The following ATIC variants were observed in gnomAD, a reference collection of about 807,000 sequenced individuals.
ATIC encodes the protein bifunctional purine biosynthesis protein ATIC.
Under a neutral mutation model 72.5 loss-of-function variants are expected in ATIC, and 64 were observed. The ratio of observed to expected loss-of-function variants is 0.88; its 90% CI spans 0.72 to 1.09. ATIC has a LOEUF of 1.09. Among genes scored for constraint, ATIC ranks in the 50% least tolerant of loss-of-function variants. ATIC has a pLI of 0.00. For missense variants in ATIC, 787 were observed against 732.4 expected (o/e 1.07, Z -0.86); for synonymous variants, 281 against 267.1 (o/e 1.05, Z -0.51).
the ATIC span, among the ~76,000 whole-genome samples, chr2:215,357,583 G>A: frequency 6.6e-6 from 1 of 152,130 alleles, no homozygotes; most frequent in African/African-American, 2.4e-5. Flanking sequence ...TGGGACTTTC[G>A]GCTGAAGCCC....
chr2:215,340,756 G>A (rs1456658555), intron 12 of ATIC, among the ~76,000 whole-genome samples: 1 of 152,158 alleles, frequency 6.6e-6, no homozygotes, highest in Non-Finnish European at 1.5e-5. Context: ...GCTGTACGCT[G>A]AACTCGGCTT....
At chr2:215,348,951 CG>C in intron 14 of ATIC, 142 bp from the exon 15 acceptor site, 3 of 644,628 alleles carry the variant, frequency 4.7e-6, no homozygotes, top group Non-Finnish European at 6.8e-6. Flanking sequence ...TGCAAAACTC[CG>C]TCTAAAAAAA....
At chr2:215,347,153 CCA>C (rs1246742529) in intron 14 of ATIC, 4 of 620,526 alleles carry the variant, frequency 6.4e-6, no homozygotes, top group Admixed American at 2.8e-5. Flanking sequence ...CTTTCTGAAA[CCA>C]CAGTCCTCTG....
At chr2:215,342,490 T>C (rs1179358176) in intron 12 of ATIC, among the ~76,000 whole-genome samples, 3 of 152,170 alleles carry the variant, frequency 2.0e-5, no homozygotes, top group African/African-American at 7.2e-5. Flanking sequence ...GCCATTGACA[T>C]TGATAACAGT....
chr2:215,346,716 T>C (rs1239857305), intron 13 of ATIC, 43 bp from the exon 14 acceptor site: 1 of 1,602,476 alleles, frequency 6.2e-7, no homozygotes, highest in Non-Finnish European at 8.5e-7. Context: ...GAGAAGAAAG[T>C]GTCTTTGGAA....
the ATIC span, chr2:215,367,824 A>G: frequency 6.2e-7 from 1 of 1,608,146 alleles, no homozygotes; most frequent in African/African-American, 1.3e-5. Context: ...GAACTTGAGG[A>G]GACAAACACG....
chr2:215,363,525 C>G, the ATIC span: 1 of 152,198 alleles, frequency 6.6e-6, no homozygotes, highest in Admixed American at 6.5e-5. Flanking sequence ...ATGGGCTGCC[C>G]CTGGTGGAGC....
intron 7 of ATIC, 95 bp downstream of exon 7, chr2:215,327,073 T>TA (rs2052836652): frequency 5.1e-6 from 8 of 1,573,426 alleles, no homozygotes; most frequent in Admixed American, 1.7e-5. Context: ...CAGAAGATGA[T>TA]ACATTCCGTA....
chr2:215,361,556 T>G, the ATIC span: 2 of 1,598,912 alleles, frequency 1.3e-6, no homozygotes, highest in Non-Finnish European at 1.7e-6. Flanking sequence ...AAAGATGATT[T>G]ACTCTCGGGA....
the ATIC span, chr2:215,364,225 C>T: frequency 0.011 from 1,683 of 157,154 alleles, 31 homozygotes; most frequent in African/African-American, 0.038. Context: ...CTACTTAGCA[C>T]AGTGCTAGAC....
Sources: allele counts gnomAD v4.1 joint callset (sites outside exome capture counted in the v4.1 genomes callset), GRCh38; gene constraint gnomAD v4.1.1; transcripts MANE v1.5; gene names NCBI Gene and HGNC (gene_info 2026-07-23, HGNC 2026-07-21).